ASPH: variants seen among roughly 807,000 people sequenced by gnomAD.
ASPH encodes aspartate beta-hydroxylase.
Under a neutral mutation model 118.4 loss-of-function variants are expected in ASPH, and 100 were observed. That is an observed-to-expected ratio of 0.84 (90% CI 0.72 to 1.00). ASPH has a LOEUF of 1.00. ASPH is among the 50% of genes least tolerant of loss of function. ASPH has a pLI of 0.00. For synonymous variants in ASPH, 315 were observed against 325.6 expected, an observed-to-expected ratio of 0.97 and a Z score of 0.35; for missense variants, 920 against 919.5, an observed-to-expected ratio of 1.00 and a Z score of -0.01.
intron 21 of ASPH, among the ~76,000 whole-genome samples, chr8:61,526,658 T>C (rs778259866): frequency 6.6e-6 from 1 of 152,224 alleles, no homozygotes; most frequent in African/African-American, 2.4e-5. Context: ...AATGCACTAG[T>C]GTTTAGAATT....
chr8:61,674,404 G>T (rs1023370491), intron 3 of ASPH, among the ~76,000 whole-genome samples: 24 of 152,178 alleles, frequency 1.6e-4, no homozygotes, highest in Non-Finnish European at 3.2e-4. Context: ...TGAATATTTG[G>T]AAACAGAAGC....
intron 21 of ASPH, among the ~76,000 whole-genome samples, chr8:61,533,503 T>C (rs1370044742): frequency 6.6e-6 from 1 of 152,234 alleles, no homozygotes. Context: ...CCTTAATGTT[T>C]CGTGATCCTT....
chr8:61,668,185 A>C (rs1820653759), intron 3 of ASPH: 1 of 1,517,694 alleles, frequency 6.6e-7, no homozygotes, highest in African/African-American at 1.4e-5. Flanking sequence ...ATGCATTTTC[A>C]AACATTAAAC....
intron 3 of ASPH, among the ~76,000 whole-genome samples, chr8:61,673,859 GGAAGTCACA>G (rs1275143334): frequency 3.3e-5 from 5 of 151,996 alleles, no homozygotes; most frequent in African/African-American, 1.2e-4. Context: ...ACAAGTTGAC[GGAAGTCACA>G]GAAGTCAGGG....
In ASPH at chr8:61,506,211, A is replaced by G. The variant is rs551905450; in HGVS notation, c.2127-2702T>C. 2.0e-3 allele frequency among the ~76,000 whole-genome samples: 305 copies of G among 152,368 alleles called. 1 individual carries two copies. The highest frequency in any genetic ancestry group is 6.5e-3 in the African/African-American group (272 of 41,580). On this transcript the variant is annotated intron_variant, in intron 24 of 24. Transcript: ENST00000379454. The stretch of plus-strand genomic sequence containing the variant: ...CTCAGAGGACATTATGTCAAGTAAA[A>G]TAAGCCAGACACAAAAAGATAATTA...
At chr8:61,610,422 C>T (rs1846956652) in intron 14 of ASPH, among the ~76,000 whole-genome samples, 1 of 152,214 alleles carries the variant, frequency 6.6e-6, no homozygotes, top group Non-Finnish European at 1.5e-5. Flanking sequence ...ATTTCAATCA[C>T]TAAAATTGCC....
At chr8:61,568,506 T>C (rs1832507189) in intron 16 of ASPH, among the ~76,000 whole-genome samples, 1 of 152,018 alleles carries the variant, frequency 6.6e-6, no homozygotes, top group South Asian at 2.1e-4. Flanking sequence ...AATCAGGAGA[T>C]TTGTTTTGGA....
intron 15 of ASPH, among the ~76,000 whole-genome samples, chr8:61,581,227 CT>C (rs1409619249): frequency 6.6e-6 from 1 of 152,204 alleles, no homozygotes; most frequent in East Asian, 1.9e-4. Flanking sequence ...AATGTGTTTG[CT>C]TTTAGTCTGA....
At chr8:61,541,052 G>A (rs1179901635) in intron 21 of ASPH, among the ~76,000 whole-genome samples, 1 of 152,184 alleles carries the variant, frequency 6.6e-6, no homozygotes, top group Non-Finnish European at 1.5e-5. Flanking sequence ...GAGGTCAGGA[G>A]ATCGAGACCA....
At chr8:61,575,196 G>T (rs1029762827) in intron 16 of ASPH, among the ~76,000 whole-genome samples, 1 of 152,108 alleles carries the variant, frequency 6.6e-6, no homozygotes, top group Non-Finnish European at 1.5e-5. Context: ...TAATAGGTAT[G>T]CTCTTCATTC....
intron 1 of ASPH, among the ~76,000 whole-genome samples, chr8:61,686,467 C>T (rs1830584288): frequency 1.3e-5 from 2 of 152,124 alleles, no homozygotes; most frequent in African/African-American, 4.8e-5. Context: ...AGTGAGTAAG[C>T]TTCTGTGAGG....
At chr8:61,686,811 G>T (rs973741588) in intron 1 of ASPH, among the ~76,000 whole-genome samples, 1 of 152,004 alleles carries the variant, frequency 6.6e-6, no homozygotes, top group Non-Finnish European at 1.5e-5. Context: ...CTTGTCTTAT[G>T]TCCTCTTGAA....
At chr8:61,600,148 G>A (rs186532245) in intron 14 of ASPH, among the ~76,000 whole-genome samples, 10 of 152,224 alleles carry the variant, frequency 6.6e-5, no homozygotes, top group Admixed American at 5.2e-4. Flanking sequence ...AAAACCATAT[G>A]ATCATCTCAA....
chr8:61,619,094 T>A, intron 13 of ASPH, 75 bp from the exon 14 acceptor site: 1 of 1,048,152 alleles, frequency 9.5e-7, no homozygotes, highest in Non-Finnish European at 1.4e-6. Flanking sequence ...GGACAATATT[T>A]AAATGAATTC....
intron 14 of ASPH, among the ~76,000 whole-genome samples, chr8:61,596,567 G>A (rs1166478470): frequency 1.3e-5 from 2 of 152,202 alleles, no homozygotes; most frequent in African/African-American, 4.8e-5. Flanking sequence ...GTCCCCAGCA[G>A]AGCCTCACCA....
At chr8:61,656,845 C>G (rs1813926088) in intron 3 of ASPH, 1 of 152,090 alleles carries the variant, frequency 6.6e-6, no homozygotes. Context: ...ATACCCAAGC[C>G]CAGGATTAGC....
intron 24 of ASPH, among the ~76,000 whole-genome samples, chr8:61,513,388 TC>T (rs1809644337): frequency 6.6e-6 from 1 of 152,206 alleles, no homozygotes; most frequent in Non-Finnish European, 1.5e-5. Context: ...GACCCATTTC[TC>T]TTATGAAAAG....
At chr8:61,517,760 G>C (rs934735784) in intron 23 of ASPH, 99 bp from the exon 24 acceptor site, 2 of 1,437,996 alleles carry the variant, frequency 1.4e-6, no homozygotes, top group Admixed American at 4.3e-5. Flanking sequence ...GTTTGGATTA[G>C]AGCCTTTGTA....
intron 14 of ASPH, among the ~76,000 whole-genome samples, chr8:61,608,246 T>C (rs747134104): frequency 2.0e-5 from 3 of 152,226 alleles, no homozygotes; most frequent in Non-Finnish European, 4.4e-5. Context: ...CTTTTAGTCC[T>C]GATTAAAATT....
Sources: allele counts gnomAD v4.1 joint callset (sites outside exome capture counted in the v4.1 genomes callset), GRCh38; gene constraint gnomAD v4.1.1; transcripts MANE v1.5; gene names NCBI Gene and HGNC (gene_info 2026-07-23, HGNC 2026-07-21).